RSPO2: variants seen among roughly 807,000 people sequenced by gnomAD.
RSPO2 encodes R-spondin-2.
RSPO2 carries 14 observed loss-of-function variants against 30.9 expected under a neutral mutation model. The observed-to-expected ratio is 0.45, with a 90% CI of 0.30 to 0.71. The LOEUF is 0.71. Ranked by LOEUF, RSPO2 falls within the 30% of genes least tolerant of loss-of-function variation. RSPO2 has a pLI of 0.08. For synonymous variants in RSPO2, 107 were observed against 96.4 expected, an observed-to-expected ratio of 1.11 and a Z score of -0.64; for missense variants, 264 against 301.9, an observed-to-expected ratio of 0.87 and a Z score of 0.93.
intron 5 of RSPO2, among the ~76,000 whole-genome samples, chr8:107,909,529 T>G (rs547712554): frequency 6.6e-6 from 1 of 152,110 alleles, no homozygotes; most frequent in Admixed American, 6.6e-5. Context: ...AGTACAGGCA[T>G]GAACCACCAT....
chr8:108,036,807 T>C (rs1356689817), intron 2 of RSPO2, among the ~76,000 whole-genome samples: 1 of 152,200 alleles, frequency 6.6e-6, no homozygotes, highest in Non-Finnish European at 1.5e-5. Context: ...TTGGTAATGC[T>C]TGCAATATTT....
At position 108,047,512 on chromosome 8, in the gene RSPO2, G is replaced by A. The variant is rs34195991; in HGVS notation, c.94+35033C>T. ...TGCTCAGGAAAATTCTTGAAAGGCT[G>A]CTGAGCAGTGCTTCTATTCATTCAA... On this transcript the variant is annotated intron_variant, in intron 2 of 5. Transcript: ENST00000276659. Among the ~76,000 whole-genome samples the A allele has an allele frequency of 9.7e-3, 1,474 of 152,232 alleles. 10 individuals carry two copies. The highest frequency in any genetic ancestry group is 0.016 in the Non-Finnish European group (1,094 of 68,006).
intron 5 of RSPO2, among the ~76,000 whole-genome samples, chr8:107,950,287 T>G (rs952804453): frequency 3.3e-5 from 5 of 152,242 alleles, no homozygotes; most frequent in Non-Finnish European, 7.3e-5. Flanking sequence ...ATTAAATTGA[T>G]ATTTTAAAAT....
intron 2 of RSPO2, among the ~76,000 whole-genome samples, chr8:108,065,942 G>T (rs191171323): frequency 6.6e-6 from 1 of 152,310 alleles, no homozygotes; most frequent in Non-Finnish European, 1.5e-5. Flanking sequence ...GGAGGCTGAG[G>T]CAGGAGAATC....
At chr8:107,958,018 G>A in intron 5 of RSPO2, 62 bp downstream of exon 5, 1 of 1,118,154 alleles carries the variant, frequency 8.9e-7, no homozygotes. Context: ...AGGGAAGGTG[G>A]TTAGGAAGCG....
At chr8:107,987,142 G>C (rs960146549) in intron 3 of RSPO2, among the ~76,000 whole-genome samples, 1 of 152,098 alleles carries the variant, frequency 6.6e-6, no homozygotes, top group South Asian at 2.1e-4. Flanking sequence ...GATCAAGTTT[G>C]ATTCTTTCTC....
chr8:107,967,884 G>C (rs572264430), intron 3 of RSPO2, among the ~76,000 whole-genome samples: 106 of 152,258 alleles, frequency 7.0e-4, no homozygotes, highest in Non-Finnish European at 1.1e-3. Flanking sequence ...CTGTGGTCAA[G>C]TCAGTGAAGC....
At chr8:107,994,144 A>G (rs186537601) in intron 2 of RSPO2, among the ~76,000 whole-genome samples, 11 of 152,278 alleles carry the variant, frequency 7.2e-5, no homozygotes, top group Admixed American at 5.2e-4. Context: ...GAAATGTGCT[A>G]TATCTTGCCT....
chr8:108,078,655 T>C (rs989107135), intron 2 of RSPO2, among the ~76,000 whole-genome samples: 2 of 152,208 alleles, frequency 1.3e-5, no homozygotes, highest in Admixed American at 6.5e-5. Flanking sequence ...TGCCACAATA[T>C]TTGTGACAAA....
intron 5 of RSPO2, among the ~76,000 whole-genome samples, chr8:107,940,173 C>T (rs1223246724): frequency 6.6e-6 from 1 of 152,104 alleles, no homozygotes; most frequent in African/African-American, 2.4e-5. Flanking sequence ...TCTACTTCTT[C>T]CTGTGCTGAG....
intron 2 of RSPO2, among the ~76,000 whole-genome samples, chr8:108,017,399 T>G (rs1335350950): frequency 1.3e-5 from 2 of 152,142 alleles, no homozygotes; most frequent in African/African-American, 4.8e-5. Flanking sequence ...CCCTGCAAAA[T>G]GACAATATAA....
intron 2 of RSPO2, among the ~76,000 whole-genome samples, chr8:108,019,166 C>A (rs1036532832): frequency 6.6e-6 from 1 of 152,020 alleles, no homozygotes; most frequent in Non-Finnish European, 1.5e-5. Context: ...CACGGCCTGG[C>A]CAACATGGCG....
chr8:107,901,394 G>A (rs1811459067), intron 5 of RSPO2, among the ~76,000 whole-genome samples: 1 of 152,180 alleles, frequency 6.6e-6, no homozygotes, highest in Non-Finnish European at 1.5e-5. Context: ...AACAGAGACT[G>A]ATTTTCCTGT....
At chr8:107,959,508 A>T (rs1813550487) in intron 4 of RSPO2, among the ~76,000 whole-genome samples, 1 of 152,198 alleles carries the variant, frequency 6.6e-6, no homozygotes, top group Non-Finnish European at 1.5e-5. Flanking sequence ...GTCTGCATAC[A>T]ATTAATATTT....
rs541191860 is a variant in RSPO2 at position 107,918,425 on chromosome 8, T to C, written c.617-17235A>G. Among the ~76,000 whole-genome samples the C allele has an allele frequency of 5.3e-5, 8 of 152,316 alleles. No individual in the cohort carries two copies. In the East Asian group the frequency reaches 1.5e-3, roughly 29 times the overall value. ...AAGGCTTTGACTGGAATGATATGCC[T>C]TCTTTAAAGAATCAAAGTTGACTCA... On this transcript the variant is annotated intron_variant, in intron 5 of 5. Transcript: ENST00000276659.
At chr8:107,984,095 G>A (rs1814544132) in intron 3 of RSPO2, 1 of 475,414 alleles carries the variant, frequency 2.1e-6, no homozygotes. Flanking sequence ...GACTGTGGGA[G>A]CAGAGGCATT....
At chr8:108,011,134 G>GAAAAAAAAAAAAAAAAAA (rs66722934) in intron 2 of RSPO2, among the ~76,000 whole-genome samples, 1 of 100,446 alleles carries the variant, frequency 1.0e-5, no homozygotes, top group African/African-American at 3.6e-5. Context: ...CTCCGTCCCA[G>GAAAAAAAAAAAAAAAAAA]AAAAAAAAAA....
chr8:107,945,826 T>C (rs1193135791), intron 5 of RSPO2, among the ~76,000 whole-genome samples: 2 of 152,224 alleles, frequency 1.3e-5, no homozygotes, highest in African/African-American at 4.8e-5. Flanking sequence ...TGAGGCTTCC[T>C]CTGTTCTAAG....
chr8:107,960,036 T>C (rs1389207442), intron 4 of RSPO2, among the ~76,000 whole-genome samples: 3 of 152,156 alleles, frequency 2.0e-5, no homozygotes, highest in Non-Finnish European at 2.9e-5. Flanking sequence ...CATCATAATG[T>C]AGCCACTGAC....
Sources: gnomAD v4.1 joint callset for allele counts (sites outside exome capture counted in the v4.1 genomes callset) on GRCh38, gnomAD v4.1.1 for gene constraint, MANE v1.5 for transcripts, NCBI Gene and HGNC (gene_info 2026-07-23, HGNC 2026-07-21) for gene names.